The following DEFB131A variants were observed in gnomAD, a reference collection of about 807,000 sequenced individuals.
The protein encoded by DEFB131A is beta-defensin 131A.
DEFB131A carries 5 observed loss-of-function variants against 2.4 expected under a neutral mutation model. The observed-to-expected ratio is 2.12, with a 90% CI of 1.11 to 4.47. DEFB131A has a LOEUF of 4.47. DEFB131A is among the 30% of genes most tolerant of loss of function. DEFB131A has a pLI of 0.00. For synonymous variants in DEFB131A, 34 were observed against 25.7 expected, an observed-to-expected ratio of 1.32 and a Z score of -0.97; for missense variants, 120 against 79.9, an observed-to-expected ratio of 1.50 and a Z score of -1.91.
rs199900050 is a variant in DEFB131A, at chr4:9,450,544, G to A, written c.*30G>A. ...TCTAACTCCATCTTCTTCAGACTCCGGGACAAAAAACATGTCTTAAACTCT... is the reference window on the plus strand; with the variant it reads ...TCTAACTCCATCTTCTTCAGACTCCAGGACAAAAAACATGTCTTAAACTCT... On this transcript the variant is annotated 3_prime_UTR_variant, in exon 2 of 2. Transcript: ENST00000334879. The A allele has an allele frequency of 1.0e-5, 16 of 1,596,380 alleles. No individual in the cohort carries two copies. The highest frequency in any genetic ancestry group is 2.3e-5 in the East Asian group (1 of 44,316).
intron 1 of DEFB131A, 139 bp downstream of exon 1, chr4:9,444,730 T>A (rs1394239387): frequency 6.1e-6 from 5 of 826,156 alleles, no homozygotes; most frequent in Non-Finnish European, 9.3e-6. Flanking sequence ...ATTGAAGAGT[T>A]GATACTAAAG....
At position 9,450,479 on chromosome 4, in the gene DEFB131A, A is replaced by T; in HGVS notation, c.178A>T (p.Lys60Ter). The change falls in exon 2 of 2, where the codon AAG becomes TAG. Residue 60 changes from lysine to a stop codon, truncating the protein, a stop_gained. Transcript: ENST00000334879. LOFTEE classifies it low-confidence loss of function (END_TRUNC). ...TGACTTCAGCATCTGCTGCAAACTG[A>T]AGATCATTGAAATTGACGGACAAAA... ...CADFSICCKL[K>*]IIEIDGQKKW The T allele has an allele frequency of 6.2e-7, 1 of 1,610,696 alleles. No homozygotes were observed. Among genetic ancestry groups the T allele is most frequent in the Non-Finnish European group, 8.5e-7 (1 of 1,179,244 alleles).
In DEFB131A at chr4:9,448,738, A is replaced by C. The variant is rs552686001; in HGVS notation, c.59-1622A>C. Among the ~76,000 whole-genome samples the C allele has an allele frequency of 8.6e-4, 131 of 152,318 alleles. 1 individual carries two copies. The highest frequency in any genetic ancestry group is 1.4e-3 in the Non-Finnish European group (95 of 68,016). The stretch of plus-strand genomic sequence containing the variant: ...AAAAAGAAATTCTTCGCTCATACTC[A>C]ATGGTGAAAAACTAAAAGCTTTTCT... On this transcript the variant is annotated intron_variant, in intron 1 of 1. Coordinates refer to ENST00000334879, the MANE Select transcript of DEFB131A (RefSeq NM_001040448.3).
chr4:9,447,650 C>T (rs6448089), intron 1 of DEFB131A, among the ~76,000 whole-genome samples: 140,039 of 151,524 alleles, frequency 0.92, 64,861 homozygotes, highest in African/African-American at 0.98. Context: ...CCTCTTCTAA[C>T]AAGGACATCA....
chr4:9,446,480 C>A (rs1055390784), intron 1 of DEFB131A, among the ~76,000 whole-genome samples: 13 of 152,004 alleles, frequency 8.6e-5, no homozygotes, highest in Non-Finnish European at 1.8e-4. Flanking sequence ...GGCATTCTCT[C>A]TTTTGTTCTT....
intron 1 of DEFB131A, among the ~76,000 whole-genome samples, chr4:9,449,211 C>T (rs1717587235): frequency 6.7e-6 from 1 of 149,884 alleles, no homozygotes; most frequent in Admixed American, 6.7e-5. Context: ...GAAAGATATC[C>T]TATGTTCATG....
chr4:9,444,502 G>C lies in DEFB131A; in HGVS notation c.-32G>C, dbSNP rs770656626. On this transcript the variant is annotated 5_prime_UTR_variant, in exon 1 of 2. Transcript: ENST00000334879. ...AGAAGTCCTCTTCATCTCAGCTACT[G>C]ATTCTCTCTAACCTGCTTTACCTAT... is the stretch of plus-strand genomic sequence containing the variant. 1 of 1,607,872 alleles carries C rather than the reference G, an allele frequency of 6.2e-7. No homozygotes were observed. Among genetic ancestry groups the C allele is most frequent in the Non-Finnish European group, 8.5e-7 (1 of 1,178,364 alleles).
chr4:9,449,719 G>T (rs1424531151), intron 1 of DEFB131A, among the ~76,000 whole-genome samples: 1 of 152,056 alleles, frequency 6.6e-6, no homozygotes, highest in Non-Finnish European at 1.5e-5. Flanking sequence ...GGAGATTATG[G>T]GTTATAGGCT....
At chr4:9,448,361 CT>C (rs983784336) in intron 1 of DEFB131A, among the ~76,000 whole-genome samples, 1 of 151,834 alleles carries the variant, frequency 6.6e-6, no homozygotes, top group Non-Finnish European at 1.5e-5. Context: ...AAAATTATCT[CT>C]TTTTTTTAGA....
In DEFB131A at chr4:9,444,702, A is replaced by G. The variant is rs947843602; in HGVS notation, c.58+111A>G. The G allele has an allele frequency of 3.4e-4, 369 of 1,076,006 alleles. 1 individual carries two copies. Among genetic ancestry groups the G allele is most frequent in the Non-Finnish European group, 3.6e-4 (265 of 741,758 alleles). The allele number at this position is 1,076,006 out of a possible 1,614,324, so 66.7% of individuals were successfully genotyped here. ...AGGCATGGGCAGATTTTACTGTACC[A>G]TGAAGGCTGCTCAGAGGATTGAAGA... On this transcript the variant is annotated intron_variant, in intron 1 of 1. Transcript: ENST00000334879.
intron 1 of DEFB131A, among the ~76,000 whole-genome samples, chr4:9,445,994 G>C (rs535278070): frequency 6.6e-6 from 1 of 152,048 alleles, no homozygotes; most frequent in East Asian, 1.9e-4. Flanking sequence ...GCATAGATTC[G>C]TACTTCATTC....
At chr4:9,445,129 C>A (rs1717462434) in intron 1 of DEFB131A, among the ~76,000 whole-genome samples, 1 of 151,864 alleles carries the variant, frequency 6.6e-6, no homozygotes, top group Admixed American at 6.6e-5. Flanking sequence ...TATGTTTGAT[C>A]AAAAGATGGT....
intron 1 of DEFB131A, among the ~76,000 whole-genome samples, chr4:9,445,128 T>G (rs929993457): frequency 6.6e-6 from 1 of 151,950 alleles, no homozygotes; most frequent in Non-Finnish European, 1.5e-5. Context: ...TTATGTTTGA[T>G]CAAAAGATGG....
At chr4:9,449,854 C>T (rs1311269457) in intron 1 of DEFB131A, among the ~76,000 whole-genome samples, 1 of 152,080 alleles carries the variant, frequency 6.6e-6, no homozygotes, top group Non-Finnish European at 1.5e-5. Context: ...TCTTTTTTCT[C>T]ATTTCACCAA....
intron 1 of DEFB131A, among the ~76,000 whole-genome samples, chr4:9,445,650 T>C (rs1227519023): frequency 2.0e-5 from 3 of 152,000 alleles, no homozygotes; most frequent in African/African-American, 7.2e-5. Context: ...TTATAAATAA[T>C]TATGCCTTTC....
chr4:9,444,438 C>T lies in DEFB131A; in HGVS notation c.-96C>T, dbSNP rs968084872. On this transcript the variant is annotated 5_prime_UTR_variant, in exon 1 of 2. Coordinates refer to ENST00000334879, the MANE Select transcript of DEFB131A (RefSeq NM_001040448.3). ...TCTTGCTCCTGAAAGGTTCAATAAT[C>T]ACTCAACAACTCACCTCTTCAGAGA... 1 of 1,381,152 alleles carries T rather than the reference C, an allele frequency of 7.2e-7. No homozygotes were observed. Among genetic ancestry groups the T allele is most frequent in the African/African-American group, 1.4e-5 (1 of 69,906 alleles). 85.6% of individuals were successfully genotyped at this position (1,381,152 alleles called of 1,614,324 possible). A position where few individuals can be genotyped will look rare whatever the true frequency, so the allele number is the denominator to read the frequency against.
At chr4:9,449,866 A>G (rs756563259) in intron 1 of DEFB131A, among the ~76,000 whole-genome samples, 1 of 152,120 alleles carries the variant, frequency 6.6e-6, no homozygotes, top group Non-Finnish European at 1.5e-5. Context: ...TTTCACCAAA[A>G]ACAGAGAAGC....
chr4:9,450,610 T>A lies in DEFB131A; in HGVS notation c.*96T>A, dbSNP rs1717638433. 6.9e-7 allele frequency: 1 copy of A among 1,458,384 alleles called. No individual in the cohort carries two copies. Among genetic ancestry groups the A allele is most frequent in the Non-Finnish European group, 9.3e-7 (1 of 1,078,372 alleles). The allele number at this position is 1,458,384 out of a possible 1,614,324, so 90.3% of individuals were successfully genotyped here. On this transcript the variant is annotated 3_prime_UTR_variant, in exon 2 of 2. Transcript: ENST00000334879. Reference sequence around the variant, plus strand: ...TTAACATGATAGATGAAAATTATTATAATTGCATGTTTAGATGGTCAGGTG... The same window carrying A: ...TTAACATGATAGATGAAAATTATTAAAATTGCATGTTTAGATGGTCAGGTG...
chr4:9,448,505 G>A (rs1475993070), intron 1 of DEFB131A, among the ~76,000 whole-genome samples: 1 of 152,030 alleles, frequency 6.6e-6, no homozygotes, highest in Non-Finnish European at 1.5e-5. Flanking sequence ...TGTATTTTTA[G>A]TAGAGACTGG....
Sources: gnomAD v4.1 joint callset for allele counts (sites outside exome capture counted in the v4.1 genomes callset) on GRCh38, gnomAD v4.1.1 for gene constraint, MANE v1.5 for transcripts, NCBI Gene and HGNC (gene_info 2026-07-23, HGNC 2026-07-21) for gene names.